Variants in HCLS1 observed in about 807,000 individuals in gnomAD.
HCLS1 encodes hematopoietic cell-specific Lyn substrate 1.
HCLS1 carries 44 observed loss-of-function variants against 68.6 expected under a neutral mutation model. That is an observed-to-expected ratio of 0.64 (90% CI 0.50 to 0.82). HCLS1 has a LOEUF of 0.82. HCLS1 is among the 40% of genes least tolerant of loss of function. HCLS1 has a pLI of 0.00. For missense variants in HCLS1, 602 were observed against 612.1 expected, an observed-to-expected ratio of 0.98 and a Z score of 0.17; for synonymous variants, 217 against 225.8, an observed-to-expected ratio of 0.96 and a Z score of 0.35.
In HCLS1 at chr3:121,657,371, A is replaced by T; in HGVS notation, c.85-19T>A. On this transcript the variant is annotated intron_variant, in intron 2 of 13. Coordinates refer to ENST00000314583, the MANE Select transcript of HCLS1 (RefSeq NM_005335.6). ...TGTCATTCTGCAAACGACAGCACGC[A>T]GTAATACATGACGGCAAGAAATGTG... 1 of 1,613,260 alleles carries T rather than the reference A, an allele frequency of 6.2e-7. No individual in the cohort carries two copies. Among genetic ancestry groups the T allele is most frequent in the South Asian group, 1.1e-5 (1 of 91,024 alleles).
chr3:121,633,104 G>T lies in HCLS1; in HGVS notation c.971C>A (p.Pro324Gln). 1 of 1,613,182 alleles carries T rather than the reference G, an allele frequency of 6.2e-7. No individual in the cohort carries two copies. Among genetic ancestry groups the T allele is most frequent in the Non-Finnish European group, 8.5e-7 (1 of 1,179,432 alleles). ...SEPVRTSREH[P>Q]VPLLPIRQTL... The stretch of plus-strand genomic sequence containing the variant: ...CTGCCTAATGGGCAGCAAGGGCACT[G>T]GGTGTTCCCTGCTGGTTCTCACAGG... Residue 324 changes from proline (P) to glutamine (Q), a missense_variant, in exon 11 of 14, where the codon CCA becomes CAA. By Grantham distance (76) the Pro-to-Gln change is moderately conservative (BLOSUM62 -1). Transcript: ENST00000314583.
chr3:121,652,425 A>T (rs1937770339), intron 3 of HCLS1, among the ~76,000 whole-genome samples: 3 of 152,172 alleles, frequency 2.0e-5, no homozygotes, highest in Non-Finnish European at 4.4e-5. Flanking sequence ...AGGCCGAGGC[A>T]GGCGGATCAC....
At chr3:121,634,520 G>T (rs556916579) in intron 9 of HCLS1, 102 bp from the exon 10 acceptor site, 118 of 1,109,050 alleles carry the variant, frequency 1.1e-4, no homozygotes, top group Non-Finnish European at 1.5e-4. Context: ...TATCCGGGAG[G>T]AGGGATTTGT....
intron 1 of HCLS1, 84 bp from the exon 2 acceptor site, chr3:121,658,431 G>A: frequency 3.0e-6 from 3 of 1,013,682 alleles, no homozygotes. Flanking sequence ...TCAAAATATA[G>A]CAGCCCAATA....
chr3:121,643,872 T>C (rs2049222355), intron 5 of HCLS1: 2 of 152,208 alleles, frequency 1.3e-5, no homozygotes, highest in Admixed American at 1.3e-4. Flanking sequence ...GAACAGGGAA[T>C]TCCATCCTGA....
At chr3:121,643,304 G>T (rs1320825278) in intron 5 of HCLS1, 2 of 218,718 alleles carry the variant, frequency 9.1e-6, no homozygotes, top group South Asian at 9.1e-5. Context: ...TATCTACCTC[G>T]ACTGTAAAAT....
At position 121,643,072 on chromosome 3, in the gene HCLS1, G is replaced by A. The variant is rs578239334; in HGVS notation, c.400-91C>T. On this transcript the variant is annotated intron_variant, in intron 5 of 13. Transcript: ENST00000314583. Reference sequence around the variant, plus strand: ...CCCTTACTCCCAGCCAGCCCCAGAGGTAGTTTGTAGGGGCTTCAGGCTGAG... The same window carrying A: ...CCCTTACTCCCAGCCAGCCCCAGAGATAGTTTGTAGGGGCTTCAGGCTGAG... 97 of 996,006 alleles carry A rather than the reference G, an allele frequency of 9.7e-5. 2 individuals are homozygous for A. In the South Asian group the frequency reaches 1.2e-3, roughly 13 times the overall value. The allele number at this position is 996,006 out of a possible 1,614,324, so 61.7% of individuals were successfully genotyped here.
intron 3 of HCLS1, among the ~76,000 whole-genome samples, chr3:121,656,658 A>T (rs1371346111): frequency 6.6e-6 from 1 of 152,242 alleles, no homozygotes; most frequent in African/African-American, 2.4e-5. Flanking sequence ...GTTTTTATCA[A>T]CAGGTTTTCC....
Position 121,644,982 on chromosome 3 carries a change from A to G in HCLS1, c.289-54T>C, listed in dbSNP as rs1359373125. The G allele has an allele frequency of 2.3e-6, 3 of 1,325,012 alleles. No individual in the cohort carries two copies. In the African/African-American group the frequency reaches 4.3e-5, roughly 19 times the overall value. 82.1% of individuals were successfully genotyped at this position (1,325,012 alleles called of 1,614,324 possible). A position where few individuals can be genotyped will look rare whatever the true frequency, so the allele number is the denominator to read the frequency against. ...AAAAGATAAAAATGACCTTAAAAAA[A>G]TAAATACAGATATGGAGTGGGATGT... On this transcript the variant is annotated intron_variant, in intron 4 of 13. Coordinates refer to ENST00000314583, the MANE Select transcript of HCLS1 (RefSeq NM_005335.6).
intron 5 of HCLS1, chr3:121,643,863 A>G (rs969909584): frequency 2.0e-5 from 3 of 152,234 alleles, no homozygotes; most frequent in African/African-American, 4.8e-5. Flanking sequence ...GCCAAGATGG[A>G]ACAGGGAATT....
intron 2 of HCLS1, chr3:121,657,879 C>A: frequency 4.8e-6 from 1 of 207,388 alleles, no homozygotes; most frequent in Non-Finnish European, 9.8e-6. Context: ...CTGAAACCTC[C>A]GTTCCTCCTC....
At chr3:121,646,281 T>C (rs1461191714) in intron 4 of HCLS1, among the ~76,000 whole-genome samples, 2 of 109,458 alleles carry the variant, frequency 1.8e-5, no homozygotes, top group African/African-American at 7.6e-5. Context: ...ATATATATTA[T>C]ATTTTATGTA....
In HCLS1 at chr3:121,632,114, A is replaced by T. The variant is rs763032774; in HGVS notation, c.1311T>A (p.Tyr437Ter). ...CTCCCAACCTACCTCCTTGGTAATC[A>T]TATACAGCCACAGCTGAGATCCCCA... ...VALGISAVAV[Y>*]DYQGEGSDEL... The change falls in exon 13 of 14, where the codon TAT becomes TAA. Residue 437 changes from tyrosine to a stop codon, truncating the protein, a stop_gained. Coordinates refer to ENST00000314583, the MANE Select transcript of HCLS1 (RefSeq NM_005335.6). LOFTEE classifies it high-confidence loss of function. The T allele has an allele frequency of 6.2e-7, 1 of 1,614,012 alleles. No individual in the cohort carries two copies. Among genetic ancestry groups the T allele is most frequent in the South Asian group, 1.1e-5 (1 of 91,060 alleles).
In HCLS1 at chr3:121,631,646, C is replaced by A; in HGVS notation, c.*200G>T. ...AACACAAGAGAAATGTTCATGAGCT[C>A]ATCCAGGATAGAGAGGACTCTTGGG... On this transcript the variant is annotated 3_prime_UTR_variant, in exon 14 of 14. Transcript: ENST00000314583. 1 of 580,380 alleles carries A rather than the reference C, an allele frequency of 1.7e-6. No homozygotes were observed. The highest frequency in any genetic ancestry group is 3.1e-6 in the Non-Finnish European group (1 of 326,444). The allele number at this position is 580,380 out of a possible 1,614,324, so 36.0% of individuals were successfully genotyped here.
chr3:121,652,419 C>T (rs544584616), intron 3 of HCLS1, among the ~76,000 whole-genome samples: 5 of 152,014 alleles, frequency 3.3e-5, no homozygotes, highest in South Asian at 4.2e-4. Context: ...TGTAGGAGGC[C>T]GAGGCAGGCG....
intron 6 of HCLS1, among the ~76,000 whole-genome samples, chr3:121,638,112 T>C (rs2049166556): frequency 6.6e-6 from 1 of 152,088 alleles, no homozygotes; most frequent in South Asian, 2.1e-4. Flanking sequence ...GTCTTGCTCT[T>C]TTGCTCAAGC....
intron 9 of HCLS1, among the ~76,000 whole-genome samples, chr3:121,635,363 C>T (rs1253543436): frequency 1.3e-5 from 2 of 151,186 alleles, no homozygotes; most frequent in Admixed American, 6.6e-5. Context: ...CTCCGACTTC[C>T]GCCTCCTGGG....
chr3:121,654,780 A>C (rs1415081358), intron 3 of HCLS1, among the ~76,000 whole-genome samples: 4 of 151,982 alleles, frequency 2.6e-5, no homozygotes, highest in African/African-American at 9.7e-5. Context: ...TCATTTTGGG[A>C]TCTGTCAGTG....
Position 121,632,318 on chromosome 3 carries a change from C to T in HCLS1, c.1240+14G>A, listed in dbSNP as rs2049105255. The stretch of plus-strand genomic sequence containing the variant: ...ACATGAGCAAATTCTCCTGCTTCTC[C>T]TCCCATCACTCACCAGCCAGAGCAG... On this transcript the variant is annotated intron_variant, in intron 12 of 13. Coordinates refer to ENST00000314583, the MANE Select transcript of HCLS1 (RefSeq NM_005335.6). 6.2e-7 allele frequency: 1 copy of T among 1,612,976 alleles called. No individual in the cohort carries two copies. The highest frequency in any genetic ancestry group is 8.5e-7 in the Non-Finnish European group (1 of 1,179,112).
Sources: allele counts gnomAD v4.1 joint callset (sites outside exome capture counted in the v4.1 genomes callset), GRCh38; gene constraint gnomAD v4.1.1; transcripts MANE v1.5; gene names NCBI Gene and HGNC (gene_info 2026-07-23, HGNC 2026-07-21).